Variants in ASTN2 observed in about 807,000 individuals in gnomAD.
The protein encoded by ASTN2 is astrotactin 2, also known as astrotactin-2.
ASTN2 carries 54 observed loss-of-function variants against 139.8 expected under a neutral mutation model. That is an observed-to-expected ratio of 0.39 (90% CI 0.31 to 0.48). The LOEUF (loss-of-function observed/expected upper bound fraction) is 0.48, where lower values mean the gene tolerates loss of function less well. Among genes scored for constraint, ASTN2 ranks in the 20% least tolerant of loss-of-function variants. The probability of loss-of-function intolerance (pLI) is 0.95; values close to 1 mark genes in which losing one functional copy is unlikely to be tolerated. For synonymous variants in ASTN2, 756 were observed against 719.5 expected (o/e 1.05, Z -0.81); for missense variants, 1,565 against 1,725.1 (o/e 0.91, Z 1.64).
intron 11 of ASTN2, among the ~76,000 whole-genome samples, chr9:116,837,372 C>A (rs1377395057): frequency 6.6e-6 from 1 of 152,164 alleles, no homozygotes; most frequent in Non-Finnish European, 1.5e-5. Flanking sequence ...CATAGGAAGA[C>A]TCTGAGCCCA....
intron 2 of ASTN2, among the ~76,000 whole-genome samples, chr9:117,225,861 G>C (rs1832698264): frequency 6.6e-6 from 1 of 151,942 alleles, no homozygotes; most frequent in African/African-American, 2.4e-5. Flanking sequence ...TCAATACGTG[G>C]TAGTCATTGG....
intron 11 of ASTN2, among the ~76,000 whole-genome samples, chr9:116,832,431 T>C (rs1163908367): frequency 6.6e-6 from 1 of 152,182 alleles, no homozygotes; most frequent in African/African-American, 2.4e-5. Context: ...CTGCTTTTCT[T>C]GTCTCTGACC....
intron 4 of ASTN2, among the ~76,000 whole-genome samples, chr9:117,126,860 G>A (rs73529097): frequency 8.5e-4 from 130 of 152,320 alleles, no homozygotes; most frequent in African/African-American, 3.0e-3. Context: ...TTCCATTGCA[G>A]TCTCAGGGCT....
At chr9:116,588,882 C>A (rs922085918) in intron 19 of ASTN2, among the ~76,000 whole-genome samples, 6 of 152,134 alleles carry the variant, frequency 3.9e-5, no homozygotes, top group African/African-American at 1.4e-4. Flanking sequence ...CCTCTGGGAT[C>A]TAAGAAATAC....
intron 1 of ASTN2, among the ~76,000 whole-genome samples, chr9:117,331,587 G>T (rs987349757): frequency 2.8e-4 from 42 of 152,282 alleles, no homozygotes; most frequent in African/African-American, 9.4e-4. Flanking sequence ...GACATACAGT[G>T]CTGGATAAAG....
At chr9:116,687,218 C>T (rs759604705) in intron 16 of ASTN2, 2 of 1,006,884 alleles carry the variant, frequency 2.0e-6, no homozygotes, top group Non-Finnish European at 2.4e-6. Flanking sequence ...GCGCTTGGGG[C>T]CAGCTGCACG....
At position 117,299,990 on chromosome 9, in the gene ASTN2, T is replaced by C. The variant is rs117578575; in HGVS notation, c.443-8477A>G. On this transcript the variant is annotated intron_variant, in intron 1 of 22. Coordinates refer to ENST00000313400, the MANE Select transcript of ASTN2 (RefSeq NM_001365068.1). ...GTAAAATGGGGGTCACAGTCTGGCC[T>C]ACTTACATCACATCTAATGTAGAAC... Among the ~76,000 whole-genome samples the C allele has an allele frequency of 2.6e-4, 39 of 152,354 alleles. No individual in the cohort carries two copies. In the East Asian group the frequency reaches 5.0e-3, roughly 20 times the overall value.
intron 10 of ASTN2, among the ~76,000 whole-genome samples, chr9:116,957,337 T>C (rs1019437208): frequency 6.6e-6 from 1 of 152,258 alleles, no homozygotes; most frequent in African/African-American, 2.4e-5. Context: ...CTTTTTGTTT[T>C]CTTAAATACT....
At chr9:117,013,908 T>A (rs1210907959) in intron 6 of ASTN2, among the ~76,000 whole-genome samples, 1 of 152,120 alleles carries the variant, frequency 6.6e-6, no homozygotes, top group Non-Finnish European at 1.5e-5. Context: ...ATGGATAGAT[T>A]TCAAAAGAAG....
At chr9:116,946,375 G>C (rs1221525882) in intron 10 of ASTN2, among the ~76,000 whole-genome samples, 1 of 152,158 alleles carries the variant, frequency 6.6e-6, no homozygotes, top group Non-Finnish European at 1.5e-5. Context: ...GACATCAAAA[G>C]CATCCTGGAA....
chr9:116,648,401 G>A (rs1857718409), intron 17 of ASTN2, among the ~76,000 whole-genome samples: 2 of 152,006 alleles, frequency 1.3e-5, no homozygotes, highest in Non-Finnish European at 2.9e-5. Flanking sequence ...CAAAGTGCTG[G>A]GATTACAGGC....
chr9:117,253,460 C>T (rs966637283), intron 2 of ASTN2, among the ~76,000 whole-genome samples: 5 of 152,088 alleles, frequency 3.3e-5, no homozygotes, highest in Non-Finnish European at 7.4e-5. Context: ...AAAGCTTCCC[C>T]AAGATAAAAA....
chr9:117,033,522 A>C (rs1838305117), intron 6 of ASTN2, among the ~76,000 whole-genome samples: 1 of 152,138 alleles, frequency 6.6e-6, no homozygotes, highest in African/African-American at 2.4e-5. Flanking sequence ...TAACTAGCAC[A>C]AGTCACACAG....
At chr9:116,666,949 CTTTTTTTTTTT>C (rs34835904) in intron 16 of ASTN2, among the ~76,000 whole-genome samples, 28 of 70,394 alleles carry the variant, frequency 4.0e-4, no homozygotes, top group African/African-American at 1.5e-3. Context: ...TTTATTTATT[CTTTTTTTTTTT>C]TTTTTTTTTT....
intron 13 of ASTN2, among the ~76,000 whole-genome samples, chr9:116,759,529 A>G (rs1829621640): frequency 6.6e-6 from 1 of 152,114 alleles, no homozygotes; most frequent in South Asian, 2.1e-4. Context: ...CTTCTGGGTC[A>G]CTGACTTGGC....
At chr9:117,281,828 A>T (rs1299854320) in intron 2 of ASTN2, among the ~76,000 whole-genome samples, 1 of 151,988 alleles carries the variant, frequency 6.6e-6, no homozygotes, top group Non-Finnish European at 1.5e-5. Flanking sequence ...TCTCAGATCC[A>T]CAGTGCTGGG....
chr9:117,115,786 G>A (rs1829369681), intron 4 of ASTN2, among the ~76,000 whole-genome samples: 1 of 152,074 alleles, frequency 6.6e-6, no homozygotes, highest in Non-Finnish European at 1.5e-5. Flanking sequence ...AGCACTTTGG[G>A]AGGCCAAGGC....
intron 1 of ASTN2, among the ~76,000 whole-genome samples, chr9:117,383,203 C>T (rs1486645378): frequency 5.3e-5 from 8 of 152,216 alleles, no homozygotes; most frequent in Non-Finnish European, 1.0e-4. Context: ...ATGTAAACAC[C>T]ATTCTTTGCT....
At chr9:117,082,180 C>T (rs183298669) in intron 5 of ASTN2, among the ~76,000 whole-genome samples, 2 of 152,284 alleles carry the variant, frequency 1.3e-5, no homozygotes, top group Non-Finnish European at 2.9e-5. Flanking sequence ...CTGGATGGCT[C>T]ACAGGCACCT....
Sources: allele counts gnomAD v4.1 joint callset (sites outside exome capture counted in the v4.1 genomes callset), GRCh38; gene constraint gnomAD v4.1.1; transcripts MANE v1.5; gene names NCBI Gene and HGNC (gene_info 2026-07-23, HGNC 2026-07-21).